The following SLC35D2 variants were observed in gnomAD, a reference collection of about 807,000 sequenced individuals.
SLC35D2 encodes the protein nucleotide sugar transporter SLC35D2.
A neutral mutation model predicts 41.8 loss-of-function variants in SLC35D2; 43 were observed. That is an observed-to-expected ratio of 1.03 (90% CI 0.81 to 1.33). The LOEUF (loss-of-function observed/expected upper bound fraction) is 1.33. Ranked by LOEUF, SLC35D2 falls within the 40% of genes most tolerant of loss-of-function variation. SLC35D2 has a pLI of 0.00. For missense variants in SLC35D2, 380 were observed against 408.4 expected (o/e 0.93, Z 0.60); for synonymous variants, 150 against 163.9 (o/e 0.92, Z 0.65).
chr9:96,372,594 TTTTTTTTTG>T, intron 1 of SLC35D2, among the ~76,000 whole-genome samples: 1 of 138,218 alleles, frequency 7.2e-6, no homozygotes, highest in African/African-American at 2.7e-5. Flanking sequence ...TTTTTTTTTT[TTTTTTTTTG>T]AGAACGAATC....
At chr9:96,374,465 C>T (rs1830846071) in intron 1 of SLC35D2, among the ~76,000 whole-genome samples, 1 of 147,250 alleles carries the variant, frequency 6.8e-6, no homozygotes, top group African/African-American at 2.5e-5. Context: ...ACCTGGGAGG[C>T]AGAGGTTGCA....
chr9:96,326,480 T>G (rs1406399608), intron 9 of SLC35D2, among the ~76,000 whole-genome samples: 1 of 151,944 alleles, frequency 6.6e-6, no homozygotes, highest in East Asian at 1.9e-4. Flanking sequence ...GCAATAATAT[T>G]TGTAAGTTGA....
chr9:96,376,655 C>G (rs1830974853), intron 1 of SLC35D2, among the ~76,000 whole-genome samples: 1 of 151,852 alleles, frequency 6.6e-6, no homozygotes, highest in South Asian at 2.1e-4. Flanking sequence ...CGCCCATAAT[C>G]CCGGCTACTC....
intron 1 of SLC35D2, chr9:96,373,955 A>G (rs967461248): frequency 6.6e-6 from 1 of 152,216 alleles, no homozygotes; most frequent in Admixed American, 6.5e-5. Context: ...AGCAGAGGCA[A>G]GCTGAAGTAT....
intron 7 of SLC35D2, among the ~76,000 whole-genome samples, chr9:96,344,839 TACAAA>T (rs1829506741): frequency 6.6e-6 from 1 of 151,992 alleles, no homozygotes; most frequent in Admixed American, 6.6e-5. Flanking sequence ...GACAAGACCT[TACAAA>T]TTATCCATTG....
chr9:96,321,757 A>C (rs893829912), intron 11 of SLC35D2, among the ~76,000 whole-genome samples: 3 of 152,188 alleles, frequency 2.0e-5, no homozygotes, highest in African/African-American at 7.2e-5. Flanking sequence ...GCCTGCTGTG[A>C]GGAAGACAGG....
intron 9 of SLC35D2, among the ~76,000 whole-genome samples, chr9:96,325,816 G>T (rs1288254976): frequency 6.6e-6 from 1 of 152,176 alleles, no homozygotes; most frequent in Non-Finnish European, 1.5e-5. Context: ...CTAGAATCCT[G>T]CTAGAATTCA....
intron 1 of SLC35D2, among the ~76,000 whole-genome samples, chr9:96,377,935 G>A (rs895018228): frequency 6.6e-6 from 1 of 152,212 alleles, no homozygotes; most frequent in Non-Finnish European, 1.5e-5. Context: ...TGGTGGGTAA[G>A]GCAAAGATCC....
chr9:96,365,190 C>A (rs1830428514), intron 2 of SLC35D2, among the ~76,000 whole-genome samples: 1 of 151,594 alleles, frequency 6.6e-6, no homozygotes, highest in Admixed American at 6.6e-5. Flanking sequence ...CCCATCTCTA[C>A]AAAAAAATAC....
Position 96,364,484 on chromosome 9 carries a change from C to A in SLC35D2, c.259G>T (p.Asp87Tyr). The change falls in exon 3 of 12, where the codon GAT becomes TAT. Residue 87 changes from aspartate to tyrosine, a missense_variant. Coordinates refer to ENST00000253270, the MANE Select transcript of SLC35D2 (RefSeq NM_007001.3). ...LNKIIHFPDFDKKIPVKLFPL... is the reference protein window; with the variant it reads ...LNKIIHFPDFYKKIPVKLFPL... ...CTTACCTTTACAGGAATTTTCTTATCAAAATCAGGGAAGTGAATGATTTTG... is the reference window on the plus strand; with the variant it reads ...CTTACCTTTACAGGAATTTTCTTATAAAAATCAGGGAAGTGAATGATTTTG... 1 of 1,590,620 alleles carries A rather than the reference C, an allele frequency of 6.3e-7. No homozygotes were observed. The highest frequency in any genetic ancestry group is 1.1e-5 in the South Asian group (1 of 90,336).
intron 1 of SLC35D2, among the ~76,000 whole-genome samples, chr9:96,369,109 G>C (rs982063973): frequency 1.3e-5 from 2 of 152,072 alleles, no homozygotes; most frequent in Non-Finnish European, 2.9e-5. Flanking sequence ...TCTGGGGGGA[G>C]ATGGTGGAGT....
At chr9:96,368,744 C>T (rs1286377760) in intron 1 of SLC35D2, among the ~76,000 whole-genome samples, 2 of 150,224 alleles carry the variant, frequency 1.3e-5, no homozygotes, top group Admixed American at 6.7e-5. Context: ...CTCTCTCTCT[C>T]TCTCTCTACA....
At chr9:96,357,733 T>C (rs570234511) in intron 4 of SLC35D2, among the ~76,000 whole-genome samples, 1 of 152,076 alleles carries the variant, frequency 6.6e-6, no homozygotes, top group Non-Finnish European at 1.5e-5. Context: ...AAAACTGGAA[T>C]TCATAAAAAT....
intron 4 of SLC35D2, among the ~76,000 whole-genome samples, chr9:96,356,414 A>G (rs1282943303): frequency 7.2e-6 from 1 of 138,036 alleles, no homozygotes; most frequent in African/African-American, 2.7e-5. Context: ...GCAGAAATTG[A>G]CAAGCTAATT....
At chr9:96,375,266 A>T (rs192309736) in intron 1 of SLC35D2, among the ~76,000 whole-genome samples, 25 of 152,136 alleles carry the variant, frequency 1.6e-4, no homozygotes, top group Admixed American at 1.5e-3. Context: ...TAATCACAAC[A>T]GAATAACTTT....
At chr9:96,336,584 C>T in intron 9 of SLC35D2, 133 bp downstream of exon 9, 1 of 630,604 alleles carries the variant, frequency 1.6e-6, no homozygotes, top group Non-Finnish European at 2.8e-6. Context: ...ACCTCCTTTG[C>T]TGCAGGGGTA....
chr9:96,373,473 G>A (rs1346846831), intron 1 of SLC35D2, among the ~76,000 whole-genome samples: 1 of 152,044 alleles, frequency 6.6e-6, no homozygotes, highest in Non-Finnish European at 1.5e-5. Flanking sequence ...CGGATCACGA[G>A]GTCAGGAGTT....
chr9:96,367,026 C>G (rs920053473), intron 2 of SLC35D2, among the ~76,000 whole-genome samples: 2 of 150,662 alleles, frequency 1.3e-5, no homozygotes, highest in Non-Finnish European at 3.0e-5. Flanking sequence ...GGAGACCAAC[C>G]TGGCCAACAT....
At chr9:96,321,767 G>C (rs1043039914) in intron 11 of SLC35D2, among the ~76,000 whole-genome samples, 2 of 152,176 alleles carry the variant, frequency 1.3e-5, no homozygotes, top group African/African-American at 4.8e-5. Context: ...AGGAAGACAG[G>C]TGAGTTAAAT....
Sources: gnomAD v4.1 joint callset for allele counts (sites outside exome capture counted in the v4.1 genomes callset) on GRCh38, gnomAD v4.1.1 for gene constraint, MANE v1.5 for transcripts, NCBI Gene and HGNC (gene_info 2026-07-23, HGNC 2026-07-21) for gene names.